PTPRZ1: variants seen among roughly 807,000 people sequenced by gnomAD.
PTPRZ1 encodes protein tyrosine phosphatase receptor type Z1, also known as receptor-type tyrosine-protein phosphatase zeta.
Under a neutral mutation model 214.1 loss-of-function variants are expected in PTPRZ1, and 82 were observed. That is an observed-to-expected ratio of 0.38 (90% CI 0.32 to 0.46). The LOEUF is 0.46. Among genes scored for constraint, PTPRZ1 ranks in the 20% least tolerant of loss-of-function variants. PTPRZ1 has a pLI of 1.00. For synonymous variants in PTPRZ1, 945 were observed against 987.9 expected, an observed-to-expected ratio of 0.96 and a Z score of 0.81; for missense variants, 2,603 against 2,748.7, an observed-to-expected ratio of 0.95 and a Z score of 1.19.
At chr7:121,905,274 T>G (rs1359827714) in intron 1 of PTPRZ1, among the ~76,000 whole-genome samples, 1 of 152,116 alleles carries the variant, frequency 6.6e-6, no homozygotes, top group Non-Finnish European at 1.5e-5. Context: ...TAGCACCTTT[T>G]CCAGGTCTTA....
intron 26 of PTPRZ1, 145 bp downstream of exon 26, chr7:122,054,183 T>A: frequency 1.1e-6 from 1 of 871,740 alleles, no homozygotes; most frequent in Non-Finnish European, 1.7e-6. Flanking sequence ...CTTCTGCTGT[T>A]GGGCTTGGTT....
chr7:122,054,889 T>G, intron 26 of PTPRZ1, 52 bp from the exon 27 acceptor site: 1 of 1,488,862 alleles, frequency 6.7e-7, no homozygotes. Flanking sequence ...CAATCTGACT[T>G]ATTGGTCATT....
intron 12 of PTPRZ1, among the ~76,000 whole-genome samples, chr7:122,015,098 C>T (rs1798806404): frequency 6.6e-6 from 1 of 152,120 alleles, no homozygotes; most frequent in Non-Finnish European, 1.5e-5. Flanking sequence ...CAGATGTCTG[C>T]TTTAAATGCC....
chr7:122,017,300 C>T (rs1798871065), intron 12 of PTPRZ1, among the ~76,000 whole-genome samples: 1 of 152,020 alleles, frequency 6.6e-6, no homozygotes, highest in African/African-American at 2.4e-5. Context: ...TGAGTCTCCA[C>T]AAAATAATGG....
At chr7:121,972,809 G>T in intron 4 of PTPRZ1, 117 bp downstream of exon 4, 1 of 833,906 alleles carries the variant, frequency 1.2e-6, no homozygotes, top group South Asian at 3.1e-5. Context: ...GTGATATTTT[G>T]ATTACTTGAT....
intron 6 of PTPRZ1, among the ~76,000 whole-genome samples, chr7:121,980,357 A>G (rs746477113): frequency 6.6e-6 from 1 of 152,224 alleles, no homozygotes; most frequent in Non-Finnish European, 1.5e-5. Flanking sequence ...ACACTTTTCT[A>G]GTATTGAAAA....
intron 1 of PTPRZ1, among the ~76,000 whole-genome samples, chr7:121,909,329 G>A (rs748796141): frequency 6.6e-6 from 1 of 152,148 alleles, no homozygotes; most frequent in Admixed American, 6.6e-5. Context: ...AAAATGACCT[G>A]AGCACACAAG....
intron 8 of PTPRZ1, among the ~76,000 whole-genome samples, chr7:121,987,688 T>C (rs1217744569): frequency 5.9e-5 from 9 of 152,228 alleles, no homozygotes; most frequent in Admixed American, 5.9e-4. Context: ...ATATGTTTCT[T>C]AGCAGTTGTA....
intron 2 of PTPRZ1, among the ~76,000 whole-genome samples, chr7:121,938,785 G>A (rs745798798): frequency 1.3e-5 from 2 of 152,132 alleles, no homozygotes; most frequent in African/African-American, 2.4e-5. Flanking sequence ...GGTTTTCAAT[G>A]GGGAGAATTA....
In PTPRZ1 at chr7:122,010,643, G is replaced by A. The variant is rs1475406034; in HGVS notation, c.1597G>A (p.Gly533Ser). The change falls in exon 12 of 30, where the codon GGT becomes AGT. Residue 533 changes from glycine to serine, a missense_variant. By Grantham distance (56) the Gly-to-Ser change is moderately conservative (BLOSUM62 0). Transcript: ENST00000393386. ...VTELPPHTVEGTSASLNDGSK... is the reference protein window; with the variant it reads ...VTELPPHTVESTSASLNDGSK... ...TGAACTGCCACCTCACACTGTGGAA[G>A]GTACTTCAGCCTCTTTAAATGATGG... The A allele has an allele frequency of 1.2e-6, 2 of 1,613,596 alleles. No individual in the cohort carries two copies. The highest frequency in any genetic ancestry group is 1.7e-6 in the Non-Finnish European group (2 of 1,179,504).
At chr7:121,895,243 G>A (rs568555220) in intron 1 of PTPRZ1, among the ~76,000 whole-genome samples, 11 of 146,276 alleles carry the variant, frequency 7.5e-5, no homozygotes, top group Non-Finnish European at 1.1e-4. Context: ...GCTATGACCT[G>A]TCTCTCCTGT....
chr7:121,970,431 G>T (rs1313241799), intron 3 of PTPRZ1, among the ~76,000 whole-genome samples: 2 of 152,122 alleles, frequency 1.3e-5, no homozygotes, highest in African/African-American at 4.8e-5. Context: ...GTGTAAAAGT[G>T]TTTCTATTTC....
chr7:121,961,618 A>G (rs1380016154), intron 2 of PTPRZ1, among the ~76,000 whole-genome samples: 1 of 152,244 alleles, frequency 6.6e-6, no homozygotes, highest in African/African-American at 2.4e-5. Context: ...TGCGGAGCCT[A>G]GAATTGCTTT....
intron 10 of PTPRZ1, among the ~76,000 whole-genome samples, chr7:121,999,424 A>G (rs1209863518): frequency 2.0e-5 from 3 of 152,218 alleles, no homozygotes; most frequent in African/African-American, 7.2e-5. Context: ...TGAGCTACCC[A>G]GAAAATGACA....
chr7:121,925,611 C>T (rs1795732955), intron 1 of PTPRZ1, among the ~76,000 whole-genome samples: 2 of 152,168 alleles, frequency 1.3e-5, no homozygotes, highest in Admixed American at 6.5e-5. Context: ...GAACTCAACA[C>T]ACATGAAGCA....
intron 3 of PTPRZ1, among the ~76,000 whole-genome samples, chr7:121,971,085 T>G (rs1034728247): frequency 2.0e-5 from 3 of 152,188 alleles, no homozygotes; most frequent in Non-Finnish European, 4.4e-5. Context: ...CTTGTTTTTT[T>G]CAGGTTTGTC....
chr7:121,916,447 C>T (rs1213529182), intron 1 of PTPRZ1, among the ~76,000 whole-genome samples: 1 of 152,276 alleles, frequency 6.6e-6, no homozygotes, highest in East Asian at 1.9e-4. Context: ...TCTTGACATC[C>T]TCACAAACAG....
intron 1 of PTPRZ1, among the ~76,000 whole-genome samples, chr7:121,889,909 G>C (rs888521100): frequency 8.6e-5 from 13 of 151,970 alleles, no homozygotes; most frequent in Non-Finnish European, 1.2e-4. Flanking sequence ...CTGACTTCCG[G>C]GATGCCATAC....
intron 2 of PTPRZ1, among the ~76,000 whole-genome samples, chr7:121,941,055 T>G (rs1484753368): frequency 6.6e-6 from 1 of 152,188 alleles, no homozygotes; most frequent in African/African-American, 2.4e-5. Context: ...TCATACACTG[T>G]CCCTGTCCCT....
Sources: allele counts gnomAD v4.1 joint callset (sites outside exome capture counted in the v4.1 genomes callset), GRCh38; gene constraint gnomAD v4.1.1; transcripts MANE v1.5; gene names NCBI Gene and HGNC (gene_info 2026-07-23, HGNC 2026-07-21).